Variants in FMN1 observed in about 807,000 individuals in gnomAD.
The protein encoded by FMN1 is formin-1.
In FMN1, 110 loss-of-function variants were observed where a neutral mutation model predicts 132.4. That is an observed-to-expected ratio of 0.83 (90% CI 0.71 to 0.97). FMN1 has a LOEUF of 0.97. FMN1 is among the 50% of genes least tolerant of loss of function. The pLI is 0.00. For missense variants in FMN1, 1,792 were observed against 1,705.3 expected (o/e 1.05, Z -0.90); for synonymous variants, 722 against 651.7 (o/e 1.11, Z -1.64).
intron 6 of FMN1, among the ~76,000 whole-genome samples, chr15:33,024,534 C>T (rs2035579136): frequency 6.6e-6 from 1 of 152,132 alleles, no homozygotes; most frequent in Non-Finnish European, 1.5e-5. Context: ...GTGTGAGCCA[C>T]CACGCCTGGC....
At chr15:32,827,026 T>C (rs2058383650) in intron 17 of FMN1, among the ~76,000 whole-genome samples, 1 of 152,224 alleles carries the variant, frequency 6.6e-6, no homozygotes, top group Non-Finnish European at 1.5e-5. Flanking sequence ...CTCAGGCCTG[T>C]TGCCACGTCT....
chr15:33,121,175 AC>A lies in FMN1; in HGVS notation c.1867+31872del, dbSNP rs538496707. Among the ~76,000 whole-genome samples, 3 of 152,370 alleles carry A rather than the reference AC, an allele frequency of 2.0e-5. No homozygotes were observed. The East Asian group carries it at 5.8e-4, about 29-fold the overall frequency. On this transcript the variant is annotated intron_variant, in intron 4 of 20. Coordinates refer to ENST00000616417, the MANE Select transcript of FMN1 (RefSeq NM_001277313.2). The stretch of plus-strand genomic sequence containing the variant: ...TCTCCAAGGACTTAGATCAACAACA[AC>A]AAAAAATTAAACTCTTGCCTTTTAT...
intron 4 of FMN1, among the ~76,000 whole-genome samples, chr15:33,143,882 G>A (rs1964105495): frequency 6.6e-6 from 1 of 152,184 alleles, no homozygotes; most frequent in African/African-American, 2.4e-5. Flanking sequence ...TAAAGATTAA[G>A]TTCTTTATCA....
intron 7 of FMN1, among the ~76,000 whole-genome samples, chr15:32,972,341 T>TTCCAACCCTA (rs2031861422): frequency 6.6e-6 from 1 of 152,156 alleles, no homozygotes; most frequent in African/African-American, 2.4e-5. Context: ...CTATGGCACT[T>TTCCAACCCTA]TCCAACCCTA....
At chr15:32,885,854 G>C (rs750612404) in intron 16 of FMN1, among the ~76,000 whole-genome samples, 6 of 151,344 alleles carry the variant, frequency 4.0e-5, no homozygotes, top group Non-Finnish European at 8.8e-5. Flanking sequence ...TCTAGGGCCT[G>C]ATACTTCTTG....
intron 10 of FMN1, among the ~76,000 whole-genome samples, chr15:32,914,518 T>C (rs2060637454): frequency 6.6e-6 from 1 of 152,194 alleles, no homozygotes; most frequent in African/African-American, 2.4e-5. Context: ...GAATTTTGAA[T>C]GCCACGATGA....
At chr15:32,784,368 G>C (rs562369464) in intron 19 of FMN1, among the ~76,000 whole-genome samples, 2 of 151,296 alleles carry the variant, frequency 1.3e-5, no homozygotes, top group South Asian at 4.2e-4. Context: ...ACAAAAAGAG[G>C]TCTGCTTTTT....
rs1159669854 is a variant in FMN1 at position 32,769,883 on chromosome 15, CT to C, written c.*4426del. 6.6e-6 allele frequency: 1 copy of C among 152,262 alleles called. No individual in the cohort carries two copies. The highest frequency in any genetic ancestry group is 1.9e-4 in the East Asian group (1 of 5,192). 9.4% of individuals were successfully genotyped at this position (152,262 alleles called of 1,614,324 possible). A position where few individuals can be genotyped will look rare whatever the true frequency, so the allele number is the denominator to read the frequency against. ...CAAAACAAATTTTAAAAAGTGGAAGCTTTTTCTTTCCTCTCCACTTTTTGGC... is the reference window on the plus strand; with the variant it reads ...CAAAACAAATTTTAAAAAGTGGAAGCTTTTCTTTCCTCTCCACTTTTTGGC... On this transcript the variant is annotated 3_prime_UTR_variant, in exon 21 of 21. Transcript: ENST00000616417.
intron 10 of FMN1, among the ~76,000 whole-genome samples, chr15:32,923,768 G>A (rs1034554033): frequency 1.3e-5 from 2 of 152,194 alleles, no homozygotes; most frequent in African/African-American, 2.4e-5. Context: ...CTGGTAACTG[G>A]ACTATCACAT....
intron 4 of FMN1, among the ~76,000 whole-genome samples, chr15:33,129,062 G>A (rs1175834727): frequency 6.6e-6 from 1 of 152,038 alleles, no homozygotes; most frequent in Non-Finnish European, 1.5e-5. Flanking sequence ...AGCACTGATT[G>A]GTGCATTTAC....
intron 4 of FMN1, among the ~76,000 whole-genome samples, chr15:33,151,925 A>AC (rs1964454396): frequency 6.6e-6 from 1 of 152,180 alleles, no homozygotes; most frequent in Admixed American, 6.5e-5. Flanking sequence ...TTAAAGCTCT[A>AC]CCCCCTGGAT....
intron 10 of FMN1, among the ~76,000 whole-genome samples, chr15:32,918,013 T>C (rs1355643687): frequency 1.3e-5 from 2 of 152,168 alleles, no homozygotes; most frequent in Non-Finnish European, 2.9e-5. Flanking sequence ...ACATATGCAA[T>C]GAAATGATTA....
At chr15:33,116,226 G>A (rs1389753610) in intron 4 of FMN1, among the ~76,000 whole-genome samples, 1 of 151,654 alleles carries the variant, frequency 6.6e-6, no homozygotes, top group Non-Finnish European at 1.5e-5. Flanking sequence ...GATTGACCTA[G>A]TCTAGGAAGC....
chr15:33,088,476 G>A (rs529849461), intron 5 of FMN1, among the ~76,000 whole-genome samples: 1 of 152,166 alleles, frequency 6.6e-6, no homozygotes, highest in Non-Finnish European at 1.5e-5. Context: ...TTTAGTAAAA[G>A]GATATTAAGA....
intron 4 of FMN1, among the ~76,000 whole-genome samples, chr15:33,135,347 A>T (rs1963718193): frequency 6.6e-6 from 1 of 152,172 alleles, no homozygotes; most frequent in African/African-American, 2.4e-5. Context: ...TGCCCTTAGA[A>T]ATAAAGAGAA....
At chr15:32,852,054 C>T (rs1253427018) in intron 17 of FMN1, among the ~76,000 whole-genome samples, 5 of 152,178 alleles carry the variant, frequency 3.3e-5, no homozygotes, top group African/African-American at 4.8e-5. Context: ...CTTCAGGTAT[C>T]GCCTCATTCT....
At chr15:32,857,645 C>T (rs1366492745) in intron 16 of FMN1, among the ~76,000 whole-genome samples, 5 of 152,216 alleles carry the variant, frequency 3.3e-5, no homozygotes, top group Admixed American at 1.3e-4. Context: ...GTTCTTCATG[C>T]TTCCCGTTCA....
At chr15:33,049,190 T>C (rs905839217) in intron 6 of FMN1, among the ~76,000 whole-genome samples, 1 of 152,178 alleles carries the variant, frequency 6.6e-6, no homozygotes, top group African/African-American at 2.4e-5. Context: ...CATTGTAACC[T>C]AAGTGAGAAC....
At chr15:33,069,993 C>CTCTTTTTTTTTTTTTTTTTTTTTTTT (rs398026774) in intron 5 of FMN1, among the ~76,000 whole-genome samples, 1 of 74,292 alleles carries the variant, frequency 1.3e-5, no homozygotes. Flanking sequence ...CAGTCTTTCT[C>CTCTTTTTTTTTTTTTTTTTTTTTTTT]TTTTTTTTTT....
Sources: allele counts gnomAD v4.1 joint callset (sites outside exome capture counted in the v4.1 genomes callset), GRCh38; gene constraint gnomAD v4.1.1; transcripts MANE v1.5; gene names NCBI Gene and HGNC (gene_info 2026-07-23, HGNC 2026-07-21).